CHST9: variants seen among roughly 807,000 people sequenced by gnomAD.
The protein encoded by CHST9 is GalNAc-4-sulfotransferase 2.
In CHST9, 41 loss-of-function variants were observed where a neutral mutation model predicts 44.4. That is an observed-to-expected ratio of 0.92 (90% confidence interval 0.72 to 1.20). The LOEUF is 1.20. CHST9 is among the 50% of genes most tolerant of loss of function. The pLI, the probability that CHST9 is intolerant of heterozygous loss-of-function variation, is 0.00. For synonymous variants in CHST9, 171 were observed against 178.4 expected (o/e 0.96, Z 0.33); for missense variants, 504 against 516.5 (o/e 0.98, Z 0.23).
chr18:27,014,503 A>G (rs1169211515), intron 4 of CHST9, among the ~76,000 whole-genome samples: 1 of 142,608 alleles, frequency 7.0e-6, no homozygotes, highest in Admixed American at 6.9e-5. Context: ...AGAATTACAG[A>G]TCTGTTAAAA....
intron 2 of CHST9, among the ~76,000 whole-genome samples, chr18:27,112,821 T>C (rs1449172288): frequency 2.0e-5 from 3 of 152,122 alleles, no homozygotes; most frequent in Admixed American, 1.3e-4. Flanking sequence ...TGGCAACGCA[T>C]TTCCCATAAG....
chr18:26,933,487 G>A (rs182450686), intron 5 of CHST9: 5 of 153,400 alleles, frequency 3.3e-5, no homozygotes, highest in East Asian at 1.9e-4. Context: ...TGAGAACCTC[G>A]CGCTAAGCTT....
At chr18:26,934,819 C>T (rs16942974) in intron 5 of CHST9, 17,297 of 152,234 alleles carry the variant, frequency 0.11, 1,248 homozygotes, top group African/African-American at 0.19. Context: ...CACGATCCTT[C>T]CCTGAACACT....
intron 5 of CHST9, chr18:26,934,237 CTT>C (rs1201999943): frequency 1.3e-4 from 18 of 142,920 alleles, no homozygotes; most frequent in Admixed American, 2.8e-4. Context: ...TTCTTTCTTT[CTT>C]TTTTTTTTTT....
In CHST9 at chr18:26,922,508, A is replaced by G. The variant is rs139140936; in HGVS notation, c.241-5158T>C. On this transcript the variant is annotated intron_variant, in intron 5 of 5. Coordinates refer to ENST00000618847, the MANE Select transcript of CHST9 (RefSeq NM_031422.6). ...AATATCCTTAAAGAGTAGATATTGC[A>G]GAGTTAGCTGAAAGACATGTAACTA... Among the ~76,000 whole-genome samples the G allele has an allele frequency of 3.5e-3, 537 of 152,344 alleles. 5 individuals are homozygous for G. Among genetic ancestry groups the G allele is most frequent in the African/African-American group, 0.012 (517 of 41,582 alleles).
chr18:27,027,189 A>G (rs546863545), intron 3 of CHST9, among the ~76,000 whole-genome samples: 151 of 152,322 alleles, frequency 9.9e-4, no homozygotes, highest in Non-Finnish European at 2.0e-3. Flanking sequence ...AAATTAATTT[A>G]GTTGTTTGTC....
intron 3 of CHST9, among the ~76,000 whole-genome samples, chr18:27,041,997 G>GTTCAGAGAGCCAGGTC (rs2057451021): frequency 6.6e-6 from 1 of 152,046 alleles, no homozygotes; most frequent in African/African-American, 2.4e-5. Flanking sequence ...CATTAACATA[G>GTTCAGAGAGCCAGGTC]TTCAGAGAGC....
intron 2 of CHST9, among the ~76,000 whole-genome samples, chr18:27,080,096 A>G (rs2057945762): frequency 6.6e-6 from 1 of 152,078 alleles, no homozygotes; most frequent in Non-Finnish European, 1.5e-5. Context: ...AGTTCTATAG[A>G]GAGTTCAAAG....
intron 2 of CHST9, among the ~76,000 whole-genome samples, chr18:27,120,334 C>T (rs2086602567): frequency 4.6e-5 from 7 of 152,202 alleles, no homozygotes; most frequent in Admixed American, 4.6e-4. Context: ...AGAGTTTCCT[C>T]ATAAGGTTAC....
At chr18:27,155,103 A>G (rs1480695993) in intron 1 of CHST9, among the ~76,000 whole-genome samples, 10 of 143,648 alleles carry the variant, frequency 7.0e-5, no homozygotes, top group Non-Finnish European at 1.4e-4. Context: ...AAAAAAAAAA[A>G]AAAGAAGTAA....
chr18:27,046,082 C>T (rs576153395), intron 3 of CHST9, among the ~76,000 whole-genome samples: 7 of 152,176 alleles, frequency 4.6e-5, no homozygotes, highest in South Asian at 2.1e-4. Context: ...TTAGAAAAAA[C>T]GTTGGCAATG....
chr18:27,088,532 C>T (rs1304382067), intron 2 of CHST9, among the ~76,000 whole-genome samples: 1 of 151,764 alleles, frequency 6.6e-6, no homozygotes, highest in Non-Finnish European at 1.5e-5. Flanking sequence ...GTAGCTGGGA[C>T]TACAGGCACG....
intron 4 of CHST9, among the ~76,000 whole-genome samples, chr18:27,007,085 A>T (rs1175745): frequency 6.6e-6 from 1 of 151,966 alleles, no homozygotes; most frequent in Non-Finnish European, 1.5e-5. Flanking sequence ...CTGGTATCAA[A>T]GTCTCCATGG....
chr18:27,027,732 G>T (rs1398010593), intron 3 of CHST9, among the ~76,000 whole-genome samples: 1 of 151,960 alleles, frequency 6.6e-6, no homozygotes, highest in Non-Finnish European at 1.5e-5. Flanking sequence ...TTCCAGTTCT[G>T]CATTTTCTTA....
At chr18:27,165,944 C>T (rs899527279) in intron 1 of CHST9, among the ~76,000 whole-genome samples, 1 of 152,170 alleles carries the variant, frequency 6.6e-6, no homozygotes, top group Non-Finnish European at 1.5e-5. Flanking sequence ...TTCTTGCTAT[C>T]ACAAAATATA....
At chr18:27,104,289 T>C (rs2143760031) in intron 2 of CHST9, among the ~76,000 whole-genome samples, 1 of 152,304 alleles carries the variant, frequency 6.6e-6, no homozygotes, top group East Asian at 1.9e-4. Context: ...TTTTTCACAG[T>C]GTCTGAACAA....
chr18:27,080,308 C>G (rs1314379356), intron 2 of CHST9, among the ~76,000 whole-genome samples: 1 of 151,870 alleles, frequency 6.6e-6, no homozygotes, highest in Admixed American at 6.6e-5. Flanking sequence ...TCATACTTGT[C>G]TCTCATCTGG....
chr18:27,113,048 G>A (rs1344658266), intron 2 of CHST9, among the ~76,000 whole-genome samples: 1 of 152,056 alleles, frequency 6.6e-6, no homozygotes, highest in African/African-American at 2.4e-5. Context: ...AATTAGCCGG[G>A]CGTGGTGGTG....
chr18:27,053,194 GAAA>G (rs1488728835), intron 2 of CHST9, among the ~76,000 whole-genome samples: 1 of 121,396 alleles, frequency 8.2e-6, no homozygotes, highest in African/African-American at 3.2e-5. Flanking sequence ...AGAAGAAGAA[GAAA>G]GAACAAGAAG....
Sources: gnomAD v4.1 joint callset for allele counts (sites outside exome capture counted in the v4.1 genomes callset) on GRCh38, gnomAD v4.1.1 for gene constraint, MANE v1.5 for transcripts, NCBI Gene and HGNC (gene_info 2026-07-23, HGNC 2026-07-21) for gene names.